RIMS2: variants seen among roughly 807,000 people sequenced by gnomAD.
The protein encoded by RIMS2 is regulating synaptic membrane exocytosis 2, also known as regulating synaptic membrane exocytosis protein 2.
Under a neutral mutation model 174.4 loss-of-function variants are expected in RIMS2, and 59 were observed. The observed-to-expected ratio is 0.34, with a 90% CI of 0.27 to 0.42. RIMS2 has a LOEUF of 0.42. Ranked by LOEUF, RIMS2 falls within the 10% of genes least tolerant of loss-of-function variation. The probability of loss-of-function intolerance (pLI) is 1.00; values close to 1 mark genes in which losing one functional copy is unlikely to be tolerated. For missense variants in RIMS2, 1,620 were observed against 1,666.3 expected (o/e 0.97, Z 0.48); for synonymous variants, 606 against 572.5 (o/e 1.06, Z -0.84).
chr8:103,683,720 A>C (rs2096906934), intron 1 of RIMS2, among the ~76,000 whole-genome samples: 1 of 152,168 alleles, frequency 6.6e-6, no homozygotes, highest in African/African-American at 2.4e-5. Context: ...CAAAGGTACA[A>C]ATATGTGTCA....
chr8:103,896,432 T>A (rs1333131720), intron 4 of RIMS2, among the ~76,000 whole-genome samples: 6 of 151,692 alleles, frequency 4.0e-5, no homozygotes, highest in Admixed American at 3.9e-4. Context: ...TATCTGTTGT[T>A]ATTATCTGAA....
intron 3 of RIMS2, among the ~76,000 whole-genome samples, chr8:103,858,805 G>C (rs961978718): frequency 6.6e-6 from 1 of 151,160 alleles, no homozygotes; most frequent in Non-Finnish European, 1.5e-5. Flanking sequence ...AGAATTATAA[G>C]ATTATACTGG....
chr8:103,861,482 T>C (rs942198526), intron 3 of RIMS2, among the ~76,000 whole-genome samples: 2 of 152,142 alleles, frequency 1.3e-5, no homozygotes, highest in African/African-American at 4.8e-5. Flanking sequence ...TTTATTTTCG[T>C]CTGGGTAGAC....
intron 9 of RIMS2, among the ~76,000 whole-genome samples, chr8:103,919,812 T>C (rs1443660166): frequency 1.3e-5 from 2 of 152,174 alleles, no homozygotes; most frequent in Non-Finnish European, 2.9e-5. Context: ...TTTGGCTACG[T>C]GCTAAATGAT....
intron 19 of RIMS2, among the ~76,000 whole-genome samples, chr8:104,145,966 T>G (rs917481569): frequency 1.3e-5 from 2 of 151,836 alleles, no homozygotes; most frequent in African/African-American, 4.8e-5. Context: ...GCAATCTTTC[T>G]CTCATCAAAA....
intron 1 of RIMS2, among the ~76,000 whole-genome samples, chr8:103,628,956 C>T (rs930585997): frequency 1.3e-5 from 2 of 152,300 alleles, no homozygotes; most frequent in Admixed American, 1.3e-4. Flanking sequence ...CCACCAACCA[C>T]AGCCTGAAAA....
At chr8:104,165,446 C>T (rs574476469) in intron 19 of RIMS2, among the ~76,000 whole-genome samples, 35 of 150,590 alleles carry the variant, frequency 2.3e-4, no homozygotes, top group African/African-American at 8.1e-4. Flanking sequence ...AGAAACTTAG[C>T]GGGAAAAATT....
chr8:104,077,542 GATTGT>G (rs915442183), intron 19 of RIMS2, among the ~76,000 whole-genome samples: 1 of 150,906 alleles, frequency 6.6e-6, no homozygotes, highest in Admixed American at 6.6e-5. Flanking sequence ...CTAGCAAGCT[GATTGT>G]ATTTAAATTT....
At chr8:103,662,157 T>C (rs1388544495) in intron 1 of RIMS2, among the ~76,000 whole-genome samples, 1 of 152,254 alleles carries the variant, frequency 6.6e-6, no homozygotes, top group African/African-American at 2.4e-5. Context: ...TTTCTTGGGC[T>C]GTATTCAAGG....
intron 19 of RIMS2, among the ~76,000 whole-genome samples, chr8:104,183,893 A>T (rs2098954222): frequency 6.6e-6 from 1 of 151,662 alleles, no homozygotes; most frequent in Admixed American, 6.6e-5. Context: ...TCTGGACTAG[A>T]GTTTAAAACT....
At chr8:104,206,605 A>G (rs1281112623) in intron 19 of RIMS2, among the ~76,000 whole-genome samples, 1 of 152,228 alleles carries the variant, frequency 6.6e-6, no homozygotes, top group African/African-American at 2.4e-5. Context: ...TCTCACAACA[A>G]CCTATTGGGT....
chr8:103,577,090 TA>T (rs1458315680), intron 1 of RIMS2, among the ~76,000 whole-genome samples: 1 of 152,082 alleles, frequency 6.6e-6, no homozygotes, highest in Non-Finnish European at 1.5e-5. Flanking sequence ...CTAATTAAAC[TA>T]AAGAGCTTCT....
intron 19 of RIMS2, among the ~76,000 whole-genome samples, chr8:104,060,485 A>G (rs1169116326): frequency 2.0e-5 from 3 of 149,228 alleles, no homozygotes; most frequent in South Asian, 2.1e-4. Flanking sequence ...TCTTGCTAGC[A>G]GTCTATCAAT....
intron 3 of RIMS2, among the ~76,000 whole-genome samples, chr8:103,796,621 T>G (rs1168936331): frequency 6.6e-6 from 1 of 152,212 alleles, no homozygotes; most frequent in Non-Finnish European, 1.5e-5. Flanking sequence ...TTTAAGTATT[T>G]GCTCTGCTTT....
intron 2 of RIMS2, among the ~76,000 whole-genome samples, chr8:103,759,745 CT>C (rs2098087908): frequency 6.6e-6 from 1 of 152,064 alleles, no homozygotes; most frequent in South Asian, 2.1e-4. Flanking sequence ...GAATAGACAG[CT>C]TTTGCCATAG....
chr8:103,669,719 A>T (rs770780288), intron 1 of RIMS2, among the ~76,000 whole-genome samples: 9 of 152,258 alleles, frequency 5.9e-5, no homozygotes, highest in African/African-American at 1.7e-4. Flanking sequence ...TGTGGCTCAC[A>T]TCCAGGTCAC....
At chr8:104,162,416 T>C (rs1424283301) in intron 19 of RIMS2, among the ~76,000 whole-genome samples, 2 of 152,160 alleles carry the variant, frequency 1.3e-5, no homozygotes, top group Non-Finnish European at 2.9e-5. Context: ...TAATTAGCAA[T>C]AGCATGAATT....
At chr8:103,934,382 T>C (rs1047090623) in intron 12 of RIMS2, among the ~76,000 whole-genome samples, 31 of 152,178 alleles carry the variant, frequency 2.0e-4, no homozygotes, top group Admixed American at 6.5e-4. Context: ...GTTTGACTTA[T>C]GCAGTATGCT....
exon 3 of RIMS2, chr8:103,766,353 A>G (rs778066174): frequency 2.5e-6 from 4 of 1,613,732 alleles, no homozygotes; most frequent in Non-Finnish European, 3.4e-6. Context: ...AGGGCTAAGA[A>G]ATGAGGAGGC....
Sources: gnomAD v4.1 joint callset for allele counts (sites outside exome capture counted in the v4.1 genomes callset) on GRCh38, gnomAD v4.1.1 for gene constraint, MANE v1.5 for transcripts, NCBI Gene and HGNC (gene_info 2026-07-23, HGNC 2026-07-21) for gene names.